DIP2C: variants seen among roughly 807,000 people sequenced by gnomAD.
DIP2C encodes the protein DIP2 acetate--CoA ligase C (putative).
In DIP2C, 33 loss-of-function variants were observed where a neutral mutation model predicts 192.4. That is an observed-to-expected ratio of 0.17 (90% CI 0.13 to 0.23). The LOEUF (loss-of-function observed/expected upper bound fraction) is 0.23, where lower values mean the gene tolerates loss of function less well. Among genes scored for constraint, DIP2C ranks in the 10% least tolerant of loss-of-function variants. The pLI is 1.00. For synonymous variants in DIP2C, 979 were observed against 864.1 expected, an observed-to-expected ratio of 1.13 and a Z score of -2.33; for missense variants, 1,537 against 2,110.1, an observed-to-expected ratio of 0.73 and a Z score of 5.32.
chr10:356,082 C>CACAAA (rs1197470258), intron 24 of DIP2C, among the ~76,000 whole-genome samples: 1 of 152,100 alleles, frequency 6.6e-6, no homozygotes, highest in Non-Finnish European at 1.5e-5. Flanking sequence ...TGCCTCAAAA[C>CACAAA]ACAAAACAAA....
At chr10:611,410 A>AC (rs1853089112) in intron 1 of DIP2C, among the ~76,000 whole-genome samples, 1 of 152,194 alleles carries the variant, frequency 6.6e-6, no homozygotes, top group African/African-American at 2.4e-5. Flanking sequence ...TTTTCCTTCT[A>AC]CCCAGCGGCC....
chr10:547,615 G>C (rs1848353023), intron 1 of DIP2C, among the ~76,000 whole-genome samples: 1 of 152,138 alleles, frequency 6.6e-6, no homozygotes, highest in African/African-American at 2.4e-5. Flanking sequence ...CATTTACAAG[G>C]CTTGCTGAAG....
In DIP2C at chr10:352,760, A is replaced by AGT. The variant is rs1416194873; in HGVS notation, c.2986-3308_2986-3307dup. Among the ~76,000 whole-genome samples the AGT allele has an allele frequency of 2.0e-5, 3 of 152,182 alleles. No individual in the cohort carries two copies. The East Asian group carries it at 5.8e-4, about 29-fold the overall frequency. On this transcript the variant is annotated intron_variant, in intron 24 of 36. Transcript: ENST00000280886. ...TCCCAGGCACCTGCAGCGACTGAGC[A>AGT]GTGTCCCTTCTTCCTTGCCACCTTT... is the stretch of plus-strand genomic sequence containing the variant.
intron 1 of DIP2C, among the ~76,000 whole-genome samples, chr10:524,752 T>G (rs1846950259): frequency 6.6e-6 from 1 of 152,150 alleles, no homozygotes; most frequent in African/African-American, 2.4e-5. Context: ...CCTTGAATAC[T>G]TCCAACAATA....
At chr10:476,595 G>C (rs1843049552) in intron 2 of DIP2C, among the ~76,000 whole-genome samples, 1 of 152,192 alleles carries the variant, frequency 6.6e-6, no homozygotes, top group African/African-American at 2.4e-5. Flanking sequence ...TGTCACCCTT[G>C]TGCGGTGTCT....
chr10:597,878 G>C (rs1416992815), intron 1 of DIP2C, among the ~76,000 whole-genome samples: 3 of 152,152 alleles, frequency 2.0e-5, no homozygotes, highest in Non-Finnish European at 4.4e-5. Context: ...GGAAATACGG[G>C]AGAAACCAGG....
intron 8 of DIP2C, among the ~76,000 whole-genome samples, chr10:410,862 G>C (rs1414357108): frequency 1.3e-5 from 2 of 152,216 alleles, no homozygotes; most frequent in Non-Finnish European, 2.9e-5. Context: ...GAAAAGGCAG[G>C]AAGTTAAGCT....
intron 18 of DIP2C, 81 bp from the exon 19 acceptor site, chr10:366,492 G>C: frequency 6.3e-7 from 1 of 1,588,170 alleles, no homozygotes; most frequent in Non-Finnish European, 8.6e-7. Flanking sequence ...ACGCGAATAT[G>C]AACGACACCA....
At chr10:647,352 T>C (rs1160392496) in intron 1 of DIP2C, among the ~76,000 whole-genome samples, 2 of 149,916 alleles carry the variant, frequency 1.3e-5, no homozygotes, top group African/African-American at 2.5e-5. Flanking sequence ...CACGTCCACA[T>C]TGGACGGCGG....
intron 1 of DIP2C, among the ~76,000 whole-genome samples, chr10:671,551 G>A (rs1176548673): frequency 1.1e-5 from 1 of 87,014 alleles, no homozygotes; most frequent in East Asian, 3.9e-4. Context: ...ACAGACGCAC[G>A]GACGGAGGAA....
chr10:364,738 G>A lies in DIP2C; in HGVS notation c.2269-156C>T, dbSNP rs1296430215. On this transcript the variant is annotated intron_variant, in intron 19 of 36. Transcript: ENST00000280886. The stretch of plus-strand genomic sequence containing the variant: ...GCCGAGGTCACAGTGACCGCTGGTG[G>A]CCAACAGTCTTCGAGGCAGAAAAGC... 2.0e-5 allele frequency among the ~76,000 whole-genome samples: 3 copies of A among 152,172 alleles called. No individual in the cohort carries two copies. The East Asian group carries it at 5.8e-4, about 29-fold the overall frequency.
chr10:631,943 C>T (rs7100832), intron 1 of DIP2C, among the ~76,000 whole-genome samples: 1 of 152,150 alleles, frequency 6.6e-6, no homozygotes, highest in Admixed American at 6.5e-5. Context: ...GTTCTGTAAC[C>T]CACATGCTGA....
At chr10:435,362 G>A (rs886478123) in intron 4 of DIP2C, among the ~76,000 whole-genome samples, 1 of 152,190 alleles carries the variant, frequency 6.6e-6, no homozygotes, top group Non-Finnish European at 1.5e-5. Context: ...CCTGTAGTAA[G>A]TATGAGGGGA....
chr10:674,789 T>TATATATATAGAGAGAG, intron 1 of DIP2C, among the ~76,000 whole-genome samples: 80 of 62,476 alleles, frequency 1.3e-3, no homozygotes, highest in East Asian at 2.7e-3. Flanking sequence ...TATATATATA[T>TATATATATAGAGAGAG]AGAGAGAGAG....
At chr10:329,236 T>G (rs903559775) in intron 30 of DIP2C, among the ~76,000 whole-genome samples, 197 bp downstream of exon 30, 2 of 152,252 alleles carry the variant, frequency 1.3e-5, no homozygotes, top group African/African-American at 4.8e-5. Flanking sequence ...GGTTCGTTAC[T>G]GTCTGTGGTC....
intron 34 of DIP2C, among the ~76,000 whole-genome samples, chr10:284,274 A>AT (rs1454647575): frequency 6.6e-6 from 1 of 152,204 alleles, no homozygotes; most frequent in African/African-American, 2.4e-5. Flanking sequence ...TGCCTCACAT[A>AT]TGGCAGGCAC....
At chr10:418,036 GTTCCTGT>G (rs1589748559) in intron 6 of DIP2C, among the ~76,000 whole-genome samples, 5 of 40,772 alleles carry the variant, frequency 1.2e-4, no homozygotes, top group Non-Finnish European at 1.5e-4. Flanking sequence ...CTGTCCACCT[GTTCCTGT>G]CAGGGCTTCG....
At chr10:436,251 G>A (rs113639538) in intron 4 of DIP2C, among the ~76,000 whole-genome samples, 12 of 152,314 alleles carry the variant, frequency 7.9e-5, no homozygotes, top group African/African-American at 2.9e-4. Context: ...GTGATTGTTT[G>A]CTTAATATTG....
At chr10:647,132 C>T (rs377495127) in intron 1 of DIP2C, among the ~76,000 whole-genome samples, 3 of 148,110 alleles carry the variant, frequency 2.0e-5, no homozygotes, top group Admixed American at 1.3e-4. Context: ...CCACATTTGA[C>T]GGTGGGAGAG....
Sources: gnomAD v4.1 joint callset for allele counts (sites outside exome capture counted in the v4.1 genomes callset) on GRCh38, gnomAD v4.1.1 for gene constraint, MANE v1.5 for transcripts, NCBI Gene and HGNC (gene_info 2026-07-23, HGNC 2026-07-21) for gene names.